Variants in EVI5 observed in about 807,000 individuals in gnomAD.
EVI5 encodes ecotropic viral integration site 5 protein homolog.
A neutral mutation model predicts 112.0 loss-of-function variants in EVI5; 73 were observed. The ratio of observed to expected loss-of-function variants is 0.65; its 90% CI spans 0.54 to 0.79. The LOEUF (loss-of-function observed/expected upper bound fraction) is 0.79. EVI5 is among the 30% of genes least tolerant of loss of function. The probability of loss-of-function intolerance (pLI) is 0.00; values close to 1 mark genes in which losing one functional copy is unlikely to be tolerated. For synonymous variants in EVI5, 305 were observed against 319.9 expected (o/e 0.95, Z 0.50); for missense variants, 900 against 968.8 (o/e 0.93, Z 0.94).
rs143454054 is a variant in EVI5 at position 92,552,122 on chromosome 1, GAAAA to G, written c.2166+11516_2166+11519del. Reference sequence around the variant, plus strand: ...GTTCGAGGACTAATGGGGCTGTAGGGAAAAAAAAAAAAAAAAAAAAAGACACTGG... The same window carrying G: ...GTTCGAGGACTAATGGGGCTGTAGGGAAAAAAAAAAAAAAAAAGACACTGG... On this transcript the variant is annotated intron_variant, in intron 19 of 19. Coordinates refer to ENST00000684568, the MANE Select transcript of EVI5 (RefSeq NM_001350197.2). Among the ~76,000 whole-genome samples the G allele has an allele frequency of 5.0e-3, 611 of 123,134 alleles. 9 individuals are homozygous for G. The highest frequency in any genetic ancestry group is 0.021 in the Admixed American group (248 of 11,826). The allele number at this position is 123,134 out of a possible 152,430, so 80.8% of individuals were successfully genotyped here.
At position 92,513,966 on chromosome 1, in the gene EVI5, C is replaced by G. The variant is rs1342185237; in HGVS notation, c.2171G>C (p.Arg724Thr). Reference protein sequence around the residue: ...DQIAELNHELRCLKGQRGFSG... With the variant: ...DQIAELNHELTCLKGQRGFSG... ...GAAGCCCCTCTGGCCTTTTAGGCAC[C>G]TGAGCTGTTAAAACAAAATCCAAGT... is the stretch of plus-strand genomic sequence containing the variant. The change falls in exon 20 of 20, where the codon AGG becomes ACG. Residue 724 changes from arginine (R) to threonine (T), a missense_variant. Physicochemically the swap from Arg to Thr is moderately conservative, Grantham distance 71 (BLOSUM62 -1). Coordinates refer to ENST00000684568, the MANE Select transcript of EVI5 (RefSeq NM_001350197.2). 6.5e-7 allele frequency: 1 copy of G among 1,537,502 alleles called. No homozygotes were observed. Among genetic ancestry groups the G allele is most frequent in the Non-Finnish European group, 8.8e-7 (1 of 1,139,126 alleles).
At chr1:92,617,273 A>G (rs898710307) in intron 16 of EVI5, among the ~76,000 whole-genome samples, 2 of 152,210 alleles carry the variant, frequency 1.3e-5, no homozygotes, top group Admixed American at 1.3e-4. Context: ...CAGATGTGTG[A>G]TTATATAATG....
chr1:92,631,628 A>G (rs1431055312), intron 14 of EVI5, among the ~76,000 whole-genome samples: 2 of 152,212 alleles, frequency 1.3e-5, no homozygotes, highest in African/African-American at 2.4e-5. Flanking sequence ...ATCTGCAAAC[A>G]GGGACAATTT....
chr1:92,771,848 G>C (rs977669237), intron 1 of EVI5, among the ~76,000 whole-genome samples: 15 of 149,394 alleles, frequency 1.0e-4, no homozygotes, highest in Non-Finnish European at 1.5e-5. Flanking sequence ...CACTGTACTA[G>C]AATACTCTTT....
chr1:92,731,836 T>C (rs1189912313), intron 2 of EVI5, among the ~76,000 whole-genome samples: 2 of 152,104 alleles, frequency 1.3e-5, no homozygotes, highest in Non-Finnish European at 2.9e-5. Context: ...TAATTAGATG[T>C]CCATATTCAA....
chr1:92,614,113 T>G (rs2101668699), intron 16 of EVI5, among the ~76,000 whole-genome samples: 1 of 152,264 alleles, frequency 6.6e-6, no homozygotes, highest in East Asian at 1.9e-4. Context: ...AAGCCTATGG[T>G]GCACTGATGA....
intron 16 of EVI5, among the ~76,000 whole-genome samples, chr1:92,621,032 T>C (rs574373293): frequency 6.7e-4 from 102 of 152,022 alleles, no homozygotes; most frequent in Non-Finnish European, 1.1e-3. Context: ...TATAATTTAT[T>C]ATTTGAAGGT....
chr1:92,778,811 T>C (rs1558249402), intron 1 of EVI5, among the ~76,000 whole-genome samples: 1 of 152,220 alleles, frequency 6.6e-6, no homozygotes, highest in Non-Finnish European at 1.5e-5. Flanking sequence ...AGGAATTTTC[T>C]AGAATTTTTT....
intron 1 of EVI5, chr1:92,756,638 A>T: frequency 2.0e-6 from 1 of 504,466 alleles, no homozygotes; most frequent in South Asian, 1.5e-5. Context: ...ACAGTCTCCC[A>T]GCCCTCACAG....
At chr1:92,589,974 C>T (rs976642515) in intron 18 of EVI5, among the ~76,000 whole-genome samples, 2 of 152,210 alleles carry the variant, frequency 1.3e-5, no homozygotes, top group Non-Finnish European at 2.9e-5. Flanking sequence ...CGCTGTTCTG[C>T]AGCCTCCGCT....
intron 1 of EVI5, among the ~76,000 whole-genome samples, chr1:92,776,281 T>G (rs559406084): frequency 1.8e-4 from 28 of 152,152 alleles, no homozygotes; most frequent in African/African-American, 6.5e-4. Flanking sequence ...GTGAATAAAT[T>G]GTATAAACAT....
At chr1:92,789,877 A>G (rs1464369642), upstream of EVI5, among the ~76,000 whole-genome samples, 3 of 152,222 alleles carry the variant, frequency 2.0e-5, no homozygotes, top group Non-Finnish European at 4.4e-5. Context: ...TCACCAGAGA[A>G]GTCAAACCCA....
rs529452253 is a variant in EVI5 at position 92,691,799 on chromosome 1, C to G, written c.1097+2003G>C. Among the ~76,000 whole-genome samples, 4 of 152,124 alleles carry G rather than the reference C, an allele frequency of 2.6e-5. No homozygotes were observed. The South Asian group carries it at 8.3e-4, about 32-fold the overall frequency. On this transcript the variant is annotated intron_variant, in intron 9 of 19. Transcript: ENST00000684568. ...TAAAAAGAGAAGAAAAAGAACATAG[C>G]TAAGTCTACAAGCTGGAAGACAGCA...
intron 10 of EVI5, among the ~76,000 whole-genome samples, chr1:92,675,887 C>T (rs1194385765): frequency 3.4e-5 from 5 of 148,944 alleles, no homozygotes; most frequent in African/African-American, 1.2e-4. Context: ...ACCTGGGAGG[C>T]GGAGCTTGCA....
At chr1:92,569,581 C>T (rs184104823) in intron 18 of EVI5, among the ~76,000 whole-genome samples, 90 of 152,130 alleles carry the variant, frequency 5.9e-4, no homozygotes, top group African/African-American at 2.0e-3. Context: ...TTGGGCCAGG[C>T]GCGGTGGCTC....
chr1:92,733,203 T>A, intron 2 of EVI5: 1 of 223,968 alleles, frequency 4.5e-6, no homozygotes. Context: ...AAATAAAATC[T>A]TGGAGTATCT....
intron 9 of EVI5, among the ~76,000 whole-genome samples, chr1:92,678,258 C>T (rs951907056): frequency 5.9e-5 from 9 of 152,130 alleles, no homozygotes; most frequent in Admixed American, 2.6e-4. Flanking sequence ...ACACTGACCA[C>T]GGTGGATCAT....
At chr1:92,605,194 T>C in intron 18 of EVI5, 113 bp downstream of exon 18, 1 of 754,950 alleles carries the variant, frequency 1.3e-6, no homozygotes, top group Non-Finnish European at 2.2e-6. Flanking sequence ...TGGAAATGAA[T>C]GATTACTGAA....
chr1:92,524,595 G>C (rs182781084), intron 19 of EVI5, among the ~76,000 whole-genome samples: 2 of 152,086 alleles, frequency 1.3e-5, no homozygotes, highest in Non-Finnish European at 2.9e-5. Flanking sequence ...TCACTGAAGC[G>C]CACCACCCAA....
Sources: allele counts gnomAD v4.1 joint callset (sites outside exome capture counted in the v4.1 genomes callset), GRCh38; gene constraint gnomAD v4.1.1; transcripts MANE v1.5; gene names NCBI Gene and HGNC (gene_info 2026-07-23, HGNC 2026-07-21).